Variants in PIAS1 observed in about 807,000 individuals in gnomAD.
The protein encoded by PIAS1 is E3 SUMO-protein ligase PIAS1.
In PIAS1, 6 loss-of-function variants were observed where a neutral mutation model predicts 71.3. The ratio of observed to expected loss-of-function variants is 0.08; its 90% CI spans 0.05 to 0.17. The LOEUF is 0.17. Among genes scored for constraint, PIAS1 ranks in the 10% least tolerant of loss-of-function variants. The pLI is 1.00. For missense variants in PIAS1, 555 were observed against 793.6 expected, an observed-to-expected ratio of 0.70 and a Z score of 3.61; for synonymous variants, 303 against 292.9, an observed-to-expected ratio of 1.03 and a Z score of -0.35.
chr15:68,118,820 A>G (rs2092587978), intron 2 of PIAS1, among the ~76,000 whole-genome samples: 1 of 152,218 alleles, frequency 6.6e-6, no homozygotes, highest in Non-Finnish European at 1.5e-5. Flanking sequence ...AGAGATTTAA[A>G]TGTAAGATCG....
chr15:68,183,627 C>A lies in PIAS1; in HGVS notation c.1625-3C>A. 2.7e-6 allele frequency: 3 copies of A among 1,108,118 alleles called. No homozygotes were observed. Among genetic ancestry groups the A allele is most frequent in the South Asian group, 1.4e-5 (1 of 70,650 alleles). 68.6% of individuals were successfully genotyped at this position (1,108,118 alleles called of 1,614,324 possible). ...TAAACTGAAATAATTTTTTCTTCCA[C>A]AGGATTAGATTTCTTTCCTTTCTTA... On this transcript the variant is annotated splice_region_variant and splice_polypyrimidine_tract_variant and intron_variant, in intron 12 of 13. Transcript: ENST00000249636.
chr15:68,086,392 T>A lies in PIAS1; in HGVS notation c.111T>A (p.Leu37=), dbSNP rs2092281864. ...GRNKHGRKHE[L]LTKALHLLKA... ...ACAAGCACGGACGCAAACACGAACT[T>A]CTCACAAAAGCCCTGCATTTGCTAA... Residue 37 remains leucine (L), a synonymous_variant, in exon 2 of 14, where the codon CTT becomes CTA. Coordinates refer to ENST00000249636, the MANE Select transcript of PIAS1 (RefSeq NM_016166.3). This position sits in a 1 kb window ranked among gnomAD's most constrained non-coding sequence, Gnocchi z 7.2. The A allele has an allele frequency of 1.2e-6, 2 of 1,613,834 alleles. No individual in the cohort carries two copies. Among genetic ancestry groups the A allele is most frequent in the East Asian group, 4.5e-5 (2 of 44,852 alleles).
intron 6 of PIAS1, among the ~76,000 whole-genome samples, chr15:68,148,312 G>T (rs2092822282): frequency 6.6e-6 from 1 of 152,146 alleles, no homozygotes; most frequent in African/African-American, 2.4e-5. Flanking sequence ...AGCTGAGAGG[G>T]ATTCACTGAC....
At chr15:68,105,057 C>A (rs1400895881) in intron 2 of PIAS1, among the ~76,000 whole-genome samples, 1 of 152,122 alleles carries the variant, frequency 6.6e-6, no homozygotes, top group Non-Finnish European at 1.5e-5. Context: ...TCTGATGACT[C>A]CATTGAGAAT....
rs1326358519 is a variant in PIAS1, at chr15:68,171,450, A to G, written c.1009-2282A>G. 6.6e-6 allele frequency among the ~76,000 whole-genome samples: 1 copy of G among 152,218 alleles called. No individual in the cohort carries two copies. Among genetic ancestry groups the G allele is most frequent in the African/African-American group, 2.4e-5 (1 of 41,462 alleles). On this transcript the variant is annotated intron_variant, in intron 8 of 13. Coordinates refer to ENST00000249636, the MANE Select transcript of PIAS1 (RefSeq NM_016166.3). The surrounding 1 kb of genome is among the most constrained non-coding windows in gnomAD (Gnocchi z 4.4). ...CTTAATTTGAAGACCTCTATCGTATATGCGGTTCAGTGTTGACCAAAATGT... is the reference window on the plus strand; with the variant it reads ...CTTAATTTGAAGACCTCTATCGTATGTGCGGTTCAGTGTTGACCAAAATGT...
chr15:68,072,226 G>T (rs546438627), intron 1 of PIAS1, among the ~76,000 whole-genome samples: 3 of 150,970 alleles, frequency 2.0e-5, no homozygotes, highest in African/African-American at 4.9e-5. Context: ...GTGAAACCCC[G>T]TCTCTACTAA....
chr15:68,103,754 C>G (rs1208495251), intron 2 of PIAS1, among the ~76,000 whole-genome samples: 1 of 152,140 alleles, frequency 6.6e-6, no homozygotes, highest in Non-Finnish European at 1.5e-5. Context: ...ATGATGTTTT[C>G]AAGTTCATAA....
rs376862278 is a variant in PIAS1 at position 68,071,989 on chromosome 15, T to G, written c.25-14317T>G. ...AAAAAGGTGATTACTGGGATATTCT[T>G]TGAAGCAAGGGTAACAGCATGAGCA... is the stretch of plus-strand genomic sequence containing the variant. On this transcript the variant is annotated intron_variant, in intron 1 of 13. Coordinates refer to ENST00000249636, the MANE Select transcript of PIAS1 (RefSeq NM_016166.3). Among the ~76,000 whole-genome samples, 16 of 151,644 alleles carry G rather than the reference T, an allele frequency of 1.1e-4. No individual in the cohort carries two copies. In the East Asian group the frequency reaches 1.4e-3, roughly 13 times the overall value.
intron 1 of PIAS1, among the ~76,000 whole-genome samples, chr15:68,078,023 T>C (rs1009075066): frequency 1.3e-5 from 2 of 152,236 alleles, no homozygotes; most frequent in Non-Finnish European, 2.9e-5. Flanking sequence ...TTGTCTCTTG[T>C]CTTATCTGAA....
chr15:68,151,707 C>CACACACACACACACACAAAA (rs140053964), intron 6 of PIAS1, among the ~76,000 whole-genome samples: 2 of 134,408 alleles, frequency 1.5e-5, no homozygotes, highest in African/African-American at 5.5e-5. Flanking sequence ...CACACACACA[C>CACACACACACACACACAAAA]AAATTAGCTA....
intron 1 of PIAS1, among the ~76,000 whole-genome samples, chr15:68,081,938 C>A (rs961275008): frequency 6.6e-6 from 1 of 151,208 alleles, no homozygotes; most frequent in South Asian, 2.1e-4. Context: ...CAAGGCACAA[C>A]ATTGTAAAAT....
intron 8 of PIAS1, among the ~76,000 whole-genome samples, chr15:68,172,648 A>G (rs999537417): frequency 6.6e-6 from 1 of 152,210 alleles, no homozygotes; most frequent in African/African-American, 2.4e-5. Context: ...TTGAAAGTAG[A>G]TAACTTCTCT....
Position 68,189,514 on chromosome 15 carries a change from A to C in PIAS1, c.*1679A>C. 1 of 152,310 alleles carries C rather than the reference A, an allele frequency of 6.6e-6. No individual in the cohort carries two copies. The highest frequency in any genetic ancestry group is 2.1e-4 in the South Asian group (1 of 4,828). 9.4% of individuals were successfully genotyped at this position (152,310 alleles called of 1,614,324 possible). A position where few individuals can be genotyped will look rare whatever the true frequency, so the allele number is the denominator to read the frequency against. The stretch of plus-strand genomic sequence containing the variant: ...TTCAAGATGGCTGTACTTCAGTTGT[A>C]TGATAAAATTAATGGTTCTCATGAC... On this transcript the variant is annotated 3_prime_UTR_variant, in exon 14 of 14. Coordinates refer to ENST00000249636, the MANE Select transcript of PIAS1 (RefSeq NM_016166.3).
intron 1 of PIAS1, among the ~76,000 whole-genome samples, chr15:68,060,437 A>C (rs528000139): frequency 6.6e-6 from 1 of 151,994 alleles, no homozygotes; most frequent in East Asian, 2.0e-4. Flanking sequence ...ACATGGTGAA[A>C]CCCTATCTCT....
intron 2 of PIAS1, among the ~76,000 whole-genome samples, chr15:68,110,386 A>G (rs1468204297): frequency 6.6e-6 from 1 of 152,112 alleles, no homozygotes; most frequent in African/African-American, 2.4e-5. Flanking sequence ...CCTGAAGGTC[A>G]GGAGTTCGAG....
chr15:68,064,205 A>G (rs546611506), intron 1 of PIAS1, among the ~76,000 whole-genome samples: 1 of 152,284 alleles, frequency 6.6e-6, no homozygotes, highest in East Asian at 1.9e-4. Context: ...GAAAATAAAC[A>G]AAGTGTGCCT....
Position 68,185,229 on chromosome 15 carries a change from C to G in PIAS1, c.1662+1562C>G, listed in dbSNP as rs972342457. ...ATCTTTGCCCAGGCTATTGCTGCAA[C>G]TGAAAAACACCGAGAGGACACTGAT... On this transcript the variant is annotated intron_variant, in intron 13 of 13. Transcript: ENST00000249636. This position sits in a 1 kb window ranked among gnomAD's most constrained non-coding sequence, Gnocchi z 4.4. Among the ~76,000 whole-genome samples, 3 of 152,046 alleles carry G rather than the reference C, an allele frequency of 2.0e-5. No individual in the cohort carries two copies. Among genetic ancestry groups the G allele is most frequent in the Non-Finnish European group, 4.4e-5 (3 of 68,004 alleles).
chr15:68,164,952 C>T (rs543577040), intron 8 of PIAS1, 148 bp downstream of exon 8: 8 of 553,592 alleles, frequency 1.4e-5, no homozygotes, highest in East Asian at 2.8e-5. Context: ...GACATCTAGG[C>T]ATTGCATTTG....
intron 1 of PIAS1, among the ~76,000 whole-genome samples, chr15:68,064,010 T>C (rs1380552792): frequency 1.3e-5 from 2 of 152,164 alleles, no homozygotes; most frequent in African/African-American, 2.4e-5. Context: ...AAAATATATT[T>C]TGTATGATGA....
Sources: allele counts gnomAD v4.1 joint callset (sites outside exome capture counted in the v4.1 genomes callset), GRCh38; gene constraint gnomAD v4.1.1; non-coding constraint Gnocchi (gnomAD v3.1); transcripts MANE v1.5; gene names NCBI Gene and HGNC (gene_info 2026-07-23, HGNC 2026-07-21).